Variants in TADA2B observed in about 807,000 individuals in gnomAD.
TADA2B encodes the protein transcriptional adapter 2-beta.
Under a neutral mutation model 34.5 loss-of-function variants are expected in TADA2B, and 13 were observed. That is an observed-to-expected ratio of 0.38 (90% CI 0.25 to 0.60). The LOEUF is 0.60. TADA2B is among the 20% of genes least tolerant of loss of function. TADA2B has a pLI of 0.65. For missense variants in TADA2B, 442 were observed against 575.0 expected (o/e 0.77, Z 2.37); for synonymous variants, 240 against 243.4 (o/e 0.99, Z 0.13).
intron 1 of TADA2B, among the ~76,000 whole-genome samples, chr4:7,050,393 C>T (rs1358405726): frequency 6.6e-6 from 1 of 152,266 alleles, no homozygotes; most frequent in Non-Finnish European, 1.5e-5. Context: ...ACACCGAGCT[C>T]CCTGGGGAAC....
At position 7,054,720 on chromosome 4, in the gene TADA2B, C is replaced by G; in HGVS notation, c.929C>G (p.Ala310Gly). 6.2e-7 allele frequency: 1 copy of G among 1,613,938 alleles called. No individual in the cohort carries two copies. ...ATGGAAGAGTCGGCAGAGTACGAGG[C>G]AGCGCGGCATAAACGGGAGAAGAGG... ...TKMEESAEYE[A>G]ARHKREKRKE... is the part of the protein sequence containing the mutation. Residue 310 changes from alanine (A) to glycine (G), a missense_variant, in exon 2 of 2, where the codon GCA becomes GGA. Ala to Gly is a moderately conservative substitution (Grantham distance 60). Coordinates refer to ENST00000310074, the MANE Select transcript of TADA2B (RefSeq NM_152293.3).
chr4:7,044,373 T>A (rs1450518558), intron 1 of TADA2B, among the ~76,000 whole-genome samples: 2 of 152,158 alleles, frequency 1.3e-5, no homozygotes, highest in Non-Finnish European at 2.9e-5. Flanking sequence ...GTAGCGTGCC[T>A]GGTTTATGCT....
rs912019838 is a variant in TADA2B at position 7,055,740 on chromosome 4, C to A, written c.*686C>A. 4.6e-5 allele frequency: 7 copies of A among 152,294 alleles called. No homozygotes were observed. The highest frequency in any genetic ancestry group is 1.7e-4 in the African/African-American group (7 of 41,468). 9.4% of individuals were successfully genotyped at this position (152,294 alleles called of 1,614,324 possible). A position where few individuals can be genotyped will look rare whatever the true frequency, so the allele number is the denominator to read the frequency against. On this transcript the variant is annotated 3_prime_UTR_variant, in exon 2 of 2. Transcript: ENST00000310074. Reference sequence around the variant, plus strand: ...AAACCCCAAAGCTGACCCTGCGCCCCATTTGAATACGGCCAGAGCCTGCTG... The same window carrying A: ...AAACCCCAAAGCTGACCCTGCGCCCAATTTGAATACGGCCAGAGCCTGCTG...
chr4:7,051,414 G>A (rs986579893), intron 1 of TADA2B, among the ~76,000 whole-genome samples: 1 of 152,168 alleles, frequency 6.6e-6, no homozygotes, highest in African/African-American at 2.4e-5. Context: ...CTGGCTGGGT[G>A]CTGGGAAGCT....
intron 1 of TADA2B, among the ~76,000 whole-genome samples, chr4:7,049,118 G>T (rs1425241846): frequency 6.6e-6 from 1 of 151,710 alleles, no homozygotes; most frequent in Non-Finnish European, 1.5e-5. Flanking sequence ...TCGCTCTATC[G>T]CCCAGGCTGG....
chr4:7,049,058 G>A (rs1054922154), intron 1 of TADA2B, among the ~76,000 whole-genome samples: 1 of 151,166 alleles, frequency 6.6e-6, no homozygotes, highest in Admixed American at 6.6e-5. Context: ...GTAAATAAAA[G>A]TGGAATTGCT....
At chr4:7,045,056 A>G (rs1325571052) in intron 1 of TADA2B, 1 of 152,270 alleles carries the variant, frequency 6.6e-6, no homozygotes, top group Non-Finnish European at 1.5e-5. Context: ...GTTTGTGGAT[A>G]TGCACTGAGC....
chr4:7,052,258 G>T (rs918088405), intron 1 of TADA2B, among the ~76,000 whole-genome samples: 1 of 152,262 alleles, frequency 6.6e-6, no homozygotes, highest in Non-Finnish European at 1.5e-5. Context: ...AAGCACAGAC[G>T]TGAGGCGTTG....
At chr4:7,047,864 C>T (rs189396158) in intron 1 of TADA2B, among the ~76,000 whole-genome samples, 18 of 152,348 alleles carry the variant, frequency 1.2e-4, no homozygotes, top group East Asian at 7.7e-4. Flanking sequence ...TCTGTGATCA[C>T]GCAGTGTCTG....
At chr4:7,049,934 G>A (rs59640165) in intron 1 of TADA2B, among the ~76,000 whole-genome samples, 26,889 of 152,288 alleles carry the variant, frequency 0.18, 2,398 homozygotes, top group East Asian at 0.28. Flanking sequence ...GCTGAGCTGA[G>A]ACTGGAGGTG....
intron 1 of TADA2B, chr4:7,052,713 T>C (rs1298943625): frequency 6.7e-6 from 1 of 150,054 alleles, no homozygotes; most frequent in Non-Finnish European, 1.5e-5. Flanking sequence ...GCCAAATGCT[T>C]CCTGGGGAAA....
intron 1 of TADA2B, among the ~76,000 whole-genome samples, chr4:7,046,707 AAGG>A (rs1052294442): frequency 1.3e-5 from 2 of 152,186 alleles, no homozygotes; most frequent in African/African-American, 4.8e-5. Context: ...GTGAGTGTGG[AAGG>A]AGATGGTGTG....
chr4:7,045,244 T>A (rs1475661166), intron 1 of TADA2B: 2 of 152,652 alleles, frequency 1.3e-5, no homozygotes, highest in Non-Finnish European at 2.9e-5. Flanking sequence ...TCTTAGTTCC[T>A]TGTTCCACTA....
At chr4:7,045,534 C>T (rs1176456344) in intron 1 of TADA2B, 1 of 152,228 alleles carries the variant, frequency 6.6e-6, no homozygotes, top group Non-Finnish European at 1.5e-5. Context: ...TCTGTTACCT[C>T]CCTTGATCGT....
In TADA2B at chr4:7,052,235, G is replaced by A. The variant is rs1304350643; in HGVS notation, c.271-1827G>A. On this transcript the variant is annotated intron_variant, in intron 1 of 1. Transcript: ENST00000310074. Reference sequence around the variant, plus strand: ...AAGGCCGGCTCTGCCCCTGCCGCCCGCCTGCGCGGTGGAAGCACAGACGTG... The same window carrying A: ...AAGGCCGGCTCTGCCCCTGCCGCCCACCTGCGCGGTGGAAGCACAGACGTG... 4.6e-5 allele frequency among the ~76,000 whole-genome samples: 7 copies of A among 152,392 alleles called. No homozygotes were observed. In the East Asian group the frequency reaches 9.6e-4, roughly 21 times the overall value.
intron 1 of TADA2B, among the ~76,000 whole-genome samples, chr4:7,045,378 TGTTC>T (rs1042141922): frequency 1.8e-4 from 27 of 152,336 alleles, no homozygotes; most frequent in African/African-American, 6.5e-4. Context: ...GGAGCCTCCT[TGTTC>T]GTTATTCCCC....
chr4:7,048,286 G>T (rs761185335), intron 1 of TADA2B, among the ~76,000 whole-genome samples: 1 of 152,146 alleles, frequency 6.6e-6, no homozygotes, highest in African/African-American at 2.4e-5. Context: ...ATGGCGGGAG[G>T]GGGAGGGAGA....
rs1319139417 is a variant in TADA2B at position 7,057,059 on chromosome 4, G to A, written c.*2005G>A. 6.6e-6 allele frequency: 1 copy of A among 152,214 alleles called. No individual in the cohort carries two copies. The highest frequency in any genetic ancestry group is 2.4e-5 in the African/African-American group (1 of 41,450). 9.4% of individuals were successfully genotyped at this position (152,214 alleles called of 1,614,324 possible). The stretch of plus-strand genomic sequence containing the variant: ...GTTTTAGCTATTCTGGTGTCTCCCT[G>A]ATTTTCTACAGCGCCAGGATCCTAG... On this transcript the variant is annotated 3_prime_UTR_variant, in exon 2 of 2. Transcript: ENST00000310074.
chr4:7,054,885 G>A lies in TADA2B; in HGVS notation c.1094G>A (p.Ser365Asn), dbSNP rs573004767. 25 of 1,613,942 alleles carry A rather than the reference G, an allele frequency of 1.5e-5. No individual in the cohort carries two copies. In the East Asian group the frequency reaches 5.3e-4, roughly 35 times the overall value. ...EKVLCSSLNLSPARYVTVKTI... is the reference protein window; with the variant it reads ...EKVLCSSLNLNPARYVTVKTI... Reference sequence around the variant, plus strand: ...GTGCTCTGCAGCTCTTTAAACTTGAGTCCAGCCCGCTACGTGACTGTGAAG... The same window carrying A: ...GTGCTCTGCAGCTCTTTAAACTTGAATCCAGCCCGCTACGTGACTGTGAAG... The change falls in exon 2 of 2, where the codon AGT becomes AAT. Residue 365 changes from serine (S) to asparagine (N), a missense_variant. By Grantham distance (46) the Ser-to-Asn change is conservative. This residue lies in a region of TADA2B where 114 missense variants were observed against 144.7 expected (regional missense o/e 0.79). Coordinates refer to ENST00000310074, the MANE Select transcript of TADA2B (RefSeq NM_152293.3).
Sources: allele counts gnomAD v4.1 joint callset (sites outside exome capture counted in the v4.1 genomes callset), GRCh38; gene constraint gnomAD v4.1.1; regional missense constraint gnomAD v4.1.1; transcripts MANE v1.5; gene names NCBI Gene and HGNC (gene_info 2026-07-23, HGNC 2026-07-21).